TOX: variants seen among roughly 807,000 people sequenced by gnomAD.
TOX encodes the protein thymocyte selection associated high mobility group box, also known as thymocyte selection-associated high mobility group box protein TOX.
TOX carries 11 observed loss-of-function variants against 53.7 expected under a neutral mutation model. That is an observed-to-expected ratio of 0.20 (90% CI 0.13 to 0.34). TOX has a LOEUF of 0.34. TOX is among the 10% of genes least tolerant of loss of function. The probability of loss-of-function intolerance (pLI) is 1.00; values close to 1 mark genes in which losing one functional copy is unlikely to be tolerated. For synonymous variants in TOX, 225 were observed against 245.3 expected (o/e 0.92, Z 0.77); for missense variants, 570 against 664.6 (o/e 0.86, Z 1.56).
chr8:58,875,151 T>C (rs1029592037), intron 3 of TOX, among the ~76,000 whole-genome samples: 1 of 152,228 alleles, frequency 6.6e-6, no homozygotes, highest in Non-Finnish European at 1.5e-5. Context: ...AAGACCTCTC[T>C]GGTGGTGACA....
At chr8:58,829,114 C>T (rs532536859) in intron 5 of TOX, among the ~76,000 whole-genome samples, 118 of 152,242 alleles carry the variant, frequency 7.8e-4, no homozygotes, top group African/African-American at 2.6e-3. Flanking sequence ...GGTCTGACTA[C>T]GGCATCTATC....
intron 1 of TOX, among the ~76,000 whole-genome samples, chr8:59,030,736 A>G (rs1814340255): frequency 1.3e-5 from 2 of 152,214 alleles, no homozygotes. Context: ...AACATGATTG[A>G]TAACAGACTG....
chr8:58,968,709 A>G (rs1812947756), intron 1 of TOX, among the ~76,000 whole-genome samples: 1 of 152,184 alleles, frequency 6.6e-6, no homozygotes, highest in Admixed American at 6.5e-5. Context: ...TATCTGATAG[A>G]TGCATAGAGA....
chr8:59,026,144 T>G (rs1414497129), intron 1 of TOX, among the ~76,000 whole-genome samples: 1 of 152,050 alleles, frequency 6.6e-6, no homozygotes, highest in Non-Finnish European at 1.5e-5. Context: ...TTTCAGTCAT[T>G]CATTGAACAC....
chr8:59,059,071 T>C (rs1803933996), intron 1 of TOX, among the ~76,000 whole-genome samples: 1 of 152,166 alleles, frequency 6.6e-6, no homozygotes, highest in Non-Finnish European at 1.5e-5. Context: ...AGGATTTGAA[T>C]TGAGGTATAC....
chr8:58,836,562 G>A (rs966853176), intron 5 of TOX, among the ~76,000 whole-genome samples: 1 of 152,116 alleles, frequency 6.6e-6, no homozygotes, highest in Non-Finnish European at 1.5e-5. Flanking sequence ...TCCTAGGACA[G>A]CACTCCTTCA....
intron 1 of TOX, among the ~76,000 whole-genome samples, chr8:58,998,526 T>TA (rs1329247700): frequency 0.092 from 1,341 of 14,512 alleles, 25 homozygotes; most frequent in South Asian, 0.21. Context: ...TATATATATA[T>TA]ATATATATAT....
intron 1 of TOX, among the ~76,000 whole-genome samples, chr8:59,020,129 T>A (rs1361009267): frequency 6.6e-6 from 1 of 152,214 alleles, no homozygotes; most frequent in African/African-American, 2.4e-5. Context: ...TTTGTGGAAA[T>A]GTTTTCAGGA....
intron 1 of TOX, among the ~76,000 whole-genome samples, chr8:59,055,206 C>T (rs1202440942): frequency 6.6e-6 from 1 of 152,092 alleles, no homozygotes; most frequent in African/African-American, 2.4e-5. Flanking sequence ...GAGCTGTGCT[C>T]CGATCAGCTG....
At chr8:58,864,376 A>T (rs1471933220) in intron 3 of TOX, among the ~76,000 whole-genome samples, 3 of 152,192 alleles carry the variant, frequency 2.0e-5, no homozygotes, top group African/African-American at 4.8e-5. Flanking sequence ...CTGAGGTATA[A>T]AGTTGTTTTA....
chr8:58,832,226 A>C (rs997387284), intron 5 of TOX, among the ~76,000 whole-genome samples: 1 of 148,692 alleles, frequency 6.7e-6, no homozygotes, highest in Non-Finnish European at 1.5e-5. Flanking sequence ...ATATATATAA[A>C]TACCTGAATT....
At chr8:59,043,756 T>C (rs932592295) in intron 1 of TOX, among the ~76,000 whole-genome samples, 1 of 152,214 alleles carries the variant, frequency 6.6e-6, no homozygotes, top group African/African-American at 2.4e-5. Flanking sequence ...TAGCCCCGAG[T>C]AGTGCTATCA....
At chr8:58,896,674 A>AAAAATAAAATAAAATAAAAT (rs141360838) in intron 3 of TOX, among the ~76,000 whole-genome samples, 33 of 149,468 alleles carry the variant, frequency 2.2e-4, no homozygotes, top group Admixed American at 1.3e-3. Context: ...AATCCATCTC[A>AAAAATAAAATAAAATAAAAT]AAAATAAAAT....
chr8:59,050,961 A>C (rs537489688), intron 1 of TOX, among the ~76,000 whole-genome samples: 2 of 152,124 alleles, frequency 1.3e-5, no homozygotes, highest in East Asian at 3.9e-4. Context: ...CTATTTTATG[A>C]GAGGTGCCAT....
chr8:59,107,935 C>T (rs1804942624), intron 1 of TOX, among the ~76,000 whole-genome samples: 1 of 152,168 alleles, frequency 6.6e-6, no homozygotes, highest in Non-Finnish European at 1.5e-5. Flanking sequence ...GTTTCTCTCG[C>T]TCTCTCCTTC....
chr8:59,097,612 G>A (rs1804734476), intron 1 of TOX, among the ~76,000 whole-genome samples: 1 of 152,160 alleles, frequency 6.6e-6, no homozygotes, highest in Non-Finnish European at 1.5e-5. Context: ...TTCTACACCA[G>A]AGTTAGTGGA....
At chr8:59,074,036 C>T (rs1332167463) in intron 1 of TOX, among the ~76,000 whole-genome samples, 3 of 152,128 alleles carry the variant, frequency 2.0e-5, no homozygotes, top group Admixed American at 6.5e-5. Context: ...CCACTTCAAA[C>T]CATGGCAATA....
intron 3 of TOX, among the ~76,000 whole-genome samples, chr8:58,903,756 C>A (rs926652869): frequency 1.3e-5 from 2 of 152,102 alleles, no homozygotes; most frequent in Non-Finnish European, 1.5e-5. Flanking sequence ...AGGGAGAAAA[C>A]TGAATTACTA....
intron 1 of TOX, among the ~76,000 whole-genome samples, chr8:59,053,168 A>T (rs1803824171): frequency 6.6e-6 from 1 of 152,204 alleles, no homozygotes; most frequent in African/African-American, 2.4e-5. Flanking sequence ...CTTAAGCACA[A>T]ATATGTACTC....
Sources: allele counts gnomAD v4.1 joint callset (sites outside exome capture counted in the v4.1 genomes callset), GRCh38; gene constraint gnomAD v4.1.1; transcripts MANE v1.5; gene names NCBI Gene and HGNC (gene_info 2026-07-23, HGNC 2026-07-21).